Variants in TNFSF4 observed in about 807,000 individuals in gnomAD.
The protein encoded by TNFSF4 is tumor necrosis factor ligand superfamily member 4.
In TNFSF4, 4 loss-of-function variants were observed where a neutral mutation model predicts 7.3. The observed-to-expected ratio is 0.55, with a 90% confidence interval of 0.27 to 1.25. The LOEUF (loss-of-function observed/expected upper bound fraction) is 1.25, where lower values mean the gene tolerates loss of function less well. TNFSF4 is among the 50% of genes most tolerant of loss of function. TNFSF4 has a pLI of 0.12. For synonymous variants in TNFSF4, 76 were observed against 83.7 expected (o/e 0.91, Z 0.50); for missense variants, 181 against 208.8 (o/e 0.87, Z 0.82).
chr1:173,179,752 A>G (rs1047122420), downstream of TNFSF4, among the ~76,000 whole-genome samples: 7 of 152,218 alleles, frequency 4.6e-5, no homozygotes, highest in Non-Finnish European at 8.8e-5. Context: ...ACACTGTTAA[A>G]TTAGAATGAA....
At chr1:173,388,165 G>T in the TNFSF4 span, among the ~76,000 whole-genome samples, 3 of 152,292 alleles carry the variant, frequency 2.0e-5, no homozygotes, top group Admixed American at 6.5e-5. Context: ...ATAATAAATA[G>T]TTATATATTA....
At chr1:173,362,783 C>T in the TNFSF4 span, 1 of 415,570 alleles carries the variant, frequency 2.4e-6, no homozygotes, top group Non-Finnish European at 4.8e-6. Context: ...AATGACTGAT[C>T]ACTGCACAAA....
chr1:173,414,286 T>C, the TNFSF4 span, among the ~76,000 whole-genome samples: 1 of 152,176 alleles, frequency 6.6e-6, no homozygotes, highest in South Asian at 2.1e-4. Flanking sequence ...TGTCTTTGCA[T>C]GGCCTTTCCT....
At chr1:173,216,020 T>C in the TNFSF4 span, among the ~76,000 whole-genome samples, 27 of 152,174 alleles carry the variant, frequency 1.8e-4, no homozygotes, top group Admixed American at 1.3e-4. Context: ...TTTAAAAAGA[T>C]TTGCATCCAC....
chr1:173,433,937 G>T, the TNFSF4 span, among the ~76,000 whole-genome samples: 1 of 152,154 alleles, frequency 6.6e-6, no homozygotes, highest in African/African-American at 2.4e-5. Context: ...CCTTATAAGG[G>T]GGAATTTGGA....
At chr1:173,309,238 T>A in the TNFSF4 span, among the ~76,000 whole-genome samples, 6 of 151,996 alleles carry the variant, frequency 3.9e-5, no homozygotes, top group Admixed American at 6.6e-5. Context: ...TTACACTGGC[T>A]AGGACCTGTA....
chr1:173,227,557 G>A, the TNFSF4 span, among the ~76,000 whole-genome samples: 8 of 152,202 alleles, frequency 5.3e-5, no homozygotes, highest in Non-Finnish European at 5.9e-5. Context: ...TCTCACTGGG[G>A]CTTGTCAGAC....
chr1:173,250,982 A>G, the TNFSF4 span, among the ~76,000 whole-genome samples: 23 of 152,248 alleles, frequency 1.5e-4, no homozygotes, highest in East Asian at 4.4e-3. Context: ...AGCACCATCC[A>G]TGTCACCTGG....
At chr1:173,354,529 T>TA in the TNFSF4 span, among the ~76,000 whole-genome samples, 3 of 152,082 alleles carry the variant, frequency 2.0e-5, no homozygotes, top group Non-Finnish European at 2.9e-5. Flanking sequence ...CTGGCAGAGA[T>TA]ACAACAAAAA....
At chr1:173,197,979 C>T (rs910678523) in intron 1 of TNFSF4, among the ~76,000 whole-genome samples, 1 of 151,954 alleles carries the variant, frequency 6.6e-6, no homozygotes, top group East Asian at 1.9e-4. Context: ...TTTTCAGTCA[C>T]GGTGCACATT....
chr1:173,297,661 C>T, the TNFSF4 span, among the ~76,000 whole-genome samples: 10 of 151,664 alleles, frequency 6.6e-5, no homozygotes, highest in South Asian at 6.2e-4. Flanking sequence ...GGAGAGAATA[C>T]GAAATATGCA....
chr1:173,283,783 T>A, the TNFSF4 span, among the ~76,000 whole-genome samples: 74 of 152,192 alleles, frequency 4.9e-4, 1 homozygote, highest in Admixed American at 4.1e-3. Flanking sequence ...AAACATTTTA[T>A]TTATAAGAAA....
chr1:173,336,207 C>G, the TNFSF4 span, among the ~76,000 whole-genome samples: 1 of 152,168 alleles, frequency 6.6e-6, no homozygotes, highest in Non-Finnish European at 1.5e-5. Flanking sequence ...AAACCAGAAG[C>G]AATACTGGAT....
the TNFSF4 span, among the ~76,000 whole-genome samples, chr1:173,328,003 GGTAT>G: frequency 6.6e-6 from 1 of 152,038 alleles, no homozygotes; most frequent in African/African-American, 2.4e-5. Context: ...CCCATTACTG[GGTAT>G]ATACCCAAAG....
chr1:173,291,116 T>G, the TNFSF4 span, among the ~76,000 whole-genome samples: 1 of 152,176 alleles, frequency 6.6e-6, no homozygotes, highest in East Asian at 1.9e-4. Context: ...GGAAGCACAA[T>G]GGCATCTGCT....
chr1:173,410,141 T>C, the TNFSF4 span, among the ~76,000 whole-genome samples: 17 of 151,988 alleles, frequency 1.1e-4, no homozygotes, highest in Admixed American at 9.2e-4. Context: ...ACCTGAGCCT[T>C]GGAGGTTGAG....
the TNFSF4 span, among the ~76,000 whole-genome samples, chr1:173,430,019 C>G: frequency 6.6e-6 from 1 of 152,204 alleles, no homozygotes. Context: ...TCACAGTCCT[C>G]AAGACAGAGT....
At chr1:173,398,409 C>CTTTTTTTTTTTTTTT in the TNFSF4 span, among the ~76,000 whole-genome samples, 33 of 101,536 alleles carry the variant, frequency 3.3e-4, no homozygotes, top group South Asian at 1.0e-3. Flanking sequence ...TATTTCTTTT[C>CTTTTTTTTTTTTTTT]TTTTTTTTTT....
At chr1:173,299,447 G>A in the TNFSF4 span, among the ~76,000 whole-genome samples, 1 of 151,784 alleles carries the variant, frequency 6.6e-6, no homozygotes, top group African/African-American at 2.4e-5. Flanking sequence ...GATTGCATGA[G>A]GACTTGTGAC....
Sources: gnomAD v4.1 joint callset for allele counts (sites outside exome capture counted in the v4.1 genomes callset) on GRCh38, gnomAD v4.1.1 for gene constraint, MANE v1.5 for transcripts, NCBI Gene and HGNC (gene_info 2026-07-23, HGNC 2026-07-21) for gene names.